Variants in CCAR1 observed in about 807,000 individuals in gnomAD.
CCAR1 encodes cell division cycle and apoptosis regulator 1, also known as cell division cycle and apoptosis regulator protein 1.
Under a neutral mutation model 163.8 loss-of-function variants are expected in CCAR1, and 78 were observed. The observed-to-expected ratio is 0.48, with a 90% confidence interval of 0.40 to 0.57. The LOEUF is 0.57. Ranked by LOEUF, CCAR1 falls within the 20% of genes least tolerant of loss-of-function variation. The probability of loss-of-function intolerance (pLI) is 0.00; values close to 1 mark genes in which losing one functional copy is unlikely to be tolerated. For missense variants in CCAR1, 1,019 were observed against 1,365.2 expected (o/e 0.75, Z 4.00); for synonymous variants, 443 against 460.7 (o/e 0.96, Z 0.49).
chr10:68,771,255 G>A lies in CCAR1; in HGVS notation c.2348G>A (p.Gly783Asp). The A allele has an allele frequency of 6.3e-7, 1 of 1,596,782 alleles. No homozygotes were observed. The highest frequency in any genetic ancestry group is 8.5e-7 in the Non-Finnish European group (1 of 1,175,092). ...AACGAAATGCTTCAAAGAGATTTTG[G>A]TGTCCGTATATACAAATCATTACTG... ...LFNEMLQRDF[G>D]VRIYKSLLSL... Residue 783 changes from glycine (G) to aspartate (D), a missense_variant, in exon 18 of 25, where the codon GGT becomes GAT. By Grantham distance (94) the Gly-to-Asp change is moderately conservative. Coordinates refer to ENST00000265872, the MANE Select transcript of CCAR1 (RefSeq NM_018237.4).
At chr10:68,758,313 C>T (rs1335354144) in intron 15 of CCAR1, among the ~76,000 whole-genome samples, 1 of 151,974 alleles carries the variant, frequency 6.6e-6, no homozygotes. Context: ...CCCCCGCCTC[C>T]CAGAGTGTTA....
At chr10:68,774,971 C>T in intron 19 of CCAR1, 1 of 385,214 alleles carries the variant, frequency 2.6e-6, no homozygotes, top group South Asian at 1.9e-5. Flanking sequence ...CTGGCAATTA[C>T]TTTTATTTAC....
Position 68,786,529 on chromosome 10 carries a change from C to A in CCAR1, c.2734-17C>A. ...TGAAATTTGAATACTATGTTTTCTA[C>A]TTCTCCATTTTCTTAGGAAAAAGAA... On this transcript the variant is annotated splice_polypyrimidine_tract_variant and intron_variant, in intron 20 of 24. Coordinates refer to ENST00000265872, the MANE Select transcript of CCAR1 (RefSeq NM_018237.4). 6.5e-7 allele frequency: 1 copy of A among 1,542,758 alleles called. No homozygotes were observed. The highest frequency in any genetic ancestry group is 8.7e-7 in the Non-Finnish European group (1 of 1,145,666).
chr10:68,773,970 G>A (rs540555617), intron 19 of CCAR1, among the ~76,000 whole-genome samples: 47 of 151,402 alleles, frequency 3.1e-4, no homozygotes, highest in African/African-American at 1.0e-3. Context: ...TCAGCTCACC[G>A]CAACCTCCGC....
chr10:68,784,854 T>G (rs546449304), intron 19 of CCAR1, among the ~76,000 whole-genome samples: 1 of 152,090 alleles, frequency 6.6e-6, no homozygotes, highest in South Asian at 2.1e-4. Flanking sequence ...TATCTTTTAA[T>G]ATATGTACTT....
chr10:68,777,554 C>T (rs1483736328), intron 19 of CCAR1, among the ~76,000 whole-genome samples: 2 of 152,014 alleles, frequency 1.3e-5, no homozygotes, highest in African/African-American at 2.4e-5. Context: ...CATGGTGGCG[C>T]GCACCTGTAA....
At chr10:68,734,179 G>A (rs1399864154) in intron 2 of CCAR1, among the ~76,000 whole-genome samples, 1 of 151,984 alleles carries the variant, frequency 6.6e-6, no homozygotes, top group Non-Finnish European at 1.5e-5. Context: ...CCTTTGGTCG[G>A]TTCATTAAAG....
chr10:68,759,810 ATATTT>A (rs1183257681), intron 15 of CCAR1, among the ~76,000 whole-genome samples: 1 of 152,130 alleles, frequency 6.6e-6, no homozygotes, highest in African/African-American at 2.4e-5. Flanking sequence ...TTATTTTTAA[ATATTT>A]TATACTATTC....
At chr10:68,791,149 A>G in intron 24 of CCAR1, 58 bp from the exon 25 acceptor site, 1 of 1,026,662 alleles carries the variant, frequency 9.7e-7, no homozygotes, top group Non-Finnish European at 1.4e-6. Context: ...TCTAAAATCA[A>G]AGTAACATTT....
chr10:68,724,989 G>GAT (rs2055920417), intron 2 of CCAR1, among the ~76,000 whole-genome samples: 1 of 151,482 alleles, frequency 6.6e-6, no homozygotes, highest in Non-Finnish European at 1.5e-5. Flanking sequence ...AAATACAAAG[G>GAT]TAGCCTGGCG....
chr10:68,760,879 CAA>C (rs3998847), intron 15 of CCAR1, 126 bp from the exon 16 acceptor site: 42,912 of 296,550 alleles, frequency 0.14, 1,308 homozygotes, highest in South Asian at 0.2. Flanking sequence ...AAACAAAAAA[CAA>C]AAAAAAAAAA....
intron 17 of CCAR1, among the ~76,000 whole-genome samples, chr10:68,766,872 TG>T: frequency 6.6e-6 from 1 of 152,152 alleles, no homozygotes; most frequent in Admixed American, 6.6e-5. Flanking sequence ...GTTGTTTTTT[TG>T]TTGTAGTCTA....
chr10:68,771,644 A>G (rs539910336), intron 18 of CCAR1, among the ~76,000 whole-genome samples, 199 bp downstream of exon 18: 3 of 152,082 alleles, frequency 2.0e-5, no homozygotes, highest in African/African-American at 7.2e-5. Flanking sequence ...TTAGCCTGAC[A>G]TGATGGCACA....
At chr10:68,778,310 G>A (rs540371387) in intron 19 of CCAR1, among the ~76,000 whole-genome samples, 4 of 152,310 alleles carry the variant, frequency 2.6e-5, no homozygotes, top group African/African-American at 7.2e-5. Context: ...CTCTTCTTGA[G>A]AAGAGTGGAC....
At chr10:68,758,906 A>G (rs2056434491) in intron 15 of CCAR1, among the ~76,000 whole-genome samples, 1 of 151,788 alleles carries the variant, frequency 6.6e-6, no homozygotes, top group African/African-American at 2.4e-5. Context: ...TCCTGACCTC[A>G]ATTGATCCAC....
chr10:68,725,828 C>T (rs1564526222), intron 2 of CCAR1, among the ~76,000 whole-genome samples: 2 of 151,828 alleles, frequency 1.3e-5, no homozygotes. Context: ...TCTTTAAAGA[C>T]GTGGAGACCT....
chr10:68,727,941 C>T (rs2055972395), intron 2 of CCAR1, among the ~76,000 whole-genome samples: 1 of 152,178 alleles, frequency 6.6e-6, no homozygotes, highest in African/African-American at 2.4e-5. Flanking sequence ...AGGGTTCAAG[C>T]AATTCTCCTG....
At chr10:68,767,250 AT>A (rs200163178) in intron 17 of CCAR1, among the ~76,000 whole-genome samples, 4,984 of 152,186 alleles carry the variant, frequency 0.033, 124 homozygotes, top group Non-Finnish European at 0.042. Context: ...TTATTAATCT[AT>A]TTTTTGTATC....
intron 10 of CCAR1, among the ~76,000 whole-genome samples, chr10:68,752,938 A>AGATAGATAGATAGATT (rs1160471372): frequency 1.4e-5 from 2 of 138,494 alleles, no homozygotes; most frequent in African/African-American, 5.7e-5. Context: ...ATAGATAGAT[A>AGATAGATAGATAGATT]GATTCTGTCT....
Sources: gnomAD v4.1 joint callset for allele counts (sites outside exome capture counted in the v4.1 genomes callset) on GRCh38, gnomAD v4.1.1 for gene constraint, MANE v1.5 for transcripts, NCBI Gene and HGNC (gene_info 2026-07-23, HGNC 2026-07-21) for gene names.